Variants in NPAS2 observed in about 807,000 individuals in gnomAD.
The protein encoded by NPAS2 is neuronal PAS domain-containing protein 2.
In NPAS2, 23 loss-of-function variants were observed where a neutral mutation model predicts 107.5. The ratio of observed to expected loss-of-function variants is 0.21; its 90% CI spans 0.15 to 0.30. The LOEUF (loss-of-function observed/expected upper bound fraction) is 0.30, where lower values mean the gene tolerates loss of function less well. NPAS2 is among the 10% of genes least tolerant of loss of function. The pLI is 1.00. For missense variants in NPAS2, 756 were observed against 1,043.3 expected (o/e 0.72, Z 3.79); for synonymous variants, 403 against 417.5 (o/e 0.97, Z 0.42).
intron 2 of NPAS2, among the ~76,000 whole-genome samples, chr2:100,921,732 C>A (rs356641): frequency 6.6e-6 from 1 of 152,014 alleles, no homozygotes; most frequent in Non-Finnish European, 1.5e-5. Flanking sequence ...AACATTTCAA[C>A]GGCTAAACAT....
chr2:100,840,603 AT>A (rs36087386), intron 1 of NPAS2, among the ~76,000 whole-genome samples: 23,780 of 145,394 alleles, frequency 0.16, 2,024 homozygotes, highest in Middle Eastern at 0.33. Context: ...CACAGCCCCC[AT>A]TTTTTTTTTT....
At chr2:100,859,455 G>A (rs1264753755) in intron 1 of NPAS2, among the ~76,000 whole-genome samples, 1 of 152,188 alleles carries the variant, frequency 6.6e-6, no homozygotes, top group Non-Finnish European at 1.5e-5. Flanking sequence ...GGCATTAAAT[G>A]GATAATCACC....
chr2:100,955,560 T>C (rs1007996607), intron 7 of NPAS2, among the ~76,000 whole-genome samples: 1 of 152,166 alleles, frequency 6.6e-6, no homozygotes, highest in African/African-American at 2.4e-5. Context: ...AGTGCACTTA[T>C]ATGCAGAAGA....
intron 1 of NPAS2, among the ~76,000 whole-genome samples, chr2:100,851,611 A>G (rs1234414440): frequency 2.0e-5 from 3 of 152,238 alleles, no homozygotes; most frequent in South Asian, 2.1e-4. Context: ...CCAGAAACAC[A>G]TGCAGCTATG....
rs1031929294 is a variant in NPAS2 at position 100,821,249 on chromosome 2, T to G, written c.-23+835T>G. ...TGATTCATAAATAATTAGTAACTAG[T>G]TTTGTTGATTAAGCAAGATGGAAAC... On this transcript the variant is annotated intron_variant, in intron 1 of 20. Coordinates refer to ENST00000335681, the MANE Select transcript of NPAS2 (RefSeq NM_002518.4). The G allele has an allele frequency of 8.6e-6, 11 of 1,280,300 alleles. No homozygotes were observed. In the African/African-American group the frequency reaches 1.7e-4, roughly 20 times the overall value. 79.3% of individuals were successfully genotyped at this position (1,280,300 alleles called of 1,614,324 possible).
chr2:100,948,308 C>T lies in NPAS2; in HGVS notation c.437C>T (p.Ser146Phe), dbSNP rs1675025132. The T allele has an allele frequency of 6.2e-7, 1 of 1,613,010 alleles. No individual in the cohort carries two copies. Among genetic ancestry groups the T allele is most frequent in the Admixed American group, 1.7e-5 (1 of 59,894 alleles). Residue 146 changes from serine (S) to phenylalanine (F), a missense_variant, in exon 6 of 21, where the codon TCT becomes TTT. Physicochemically the swap from Ser to Phe is radical, Grantham distance 155. Transcript: ENST00000335681. ...CATTCAGAAGTTTATAAAATCCTTT[C>T]TTCCCATATGCTTGTGACGGATTCC... ...QEHSEVYKIL[S>F]SHMLVTDSPS...
At position 100,922,540 on chromosome 2, in the gene NPAS2, G is replaced by A. The variant is rs139369695; in HGVS notation, c.33-2606G>A. On this transcript the variant is annotated intron_variant, in intron 2 of 20. Transcript: ENST00000335681. ...GGAGGTTGTAGTGAGCTGAGATCGC[G>A]TCACTGCACTCCAGCCTGGGCAACA... is the stretch of plus-strand genomic sequence containing the variant. Among the ~76,000 whole-genome samples, 186 of 152,190 alleles carry A rather than the reference G, an allele frequency of 1.2e-3. 1 individual carries two copies. The highest frequency in any genetic ancestry group is 4.3e-3 in the African/African-American group (178 of 41,502).
intron 7 of NPAS2, among the ~76,000 whole-genome samples, chr2:100,956,349 C>T (rs1483695609): frequency 6.6e-6 from 1 of 152,100 alleles, no homozygotes. Context: ...TCAGCCTTCA[C>T]CCCCTCCTTC....
intron 1 of NPAS2, among the ~76,000 whole-genome samples, chr2:100,844,262 G>A (rs1677633572): frequency 1.3e-5 from 2 of 152,196 alleles, no homozygotes; most frequent in Non-Finnish European, 2.9e-5. Context: ...GGGTCAAGGG[G>A]AGGCTCGGGG....
intron 17 of NPAS2, chr2:100,989,453 GAA>G (rs1193296146): frequency 1.3e-5 from 2 of 152,212 alleles, no homozygotes; most frequent in Non-Finnish European, 2.9e-5. Context: ...AAATAGGTGA[GAA>G]GAGCTAAGAA....
chr2:100,929,981 C>A (rs1683834051), intron 3 of NPAS2, among the ~76,000 whole-genome samples: 1 of 152,236 alleles, frequency 6.6e-6, no homozygotes, highest in Admixed American at 6.5e-5. Flanking sequence ...CACTTATTCT[C>A]TCTGAAGTAA....
At chr2:100,855,606 A>C (rs555316627) in intron 1 of NPAS2, among the ~76,000 whole-genome samples, 4 of 152,240 alleles carry the variant, frequency 2.6e-5, no homozygotes, top group African/African-American at 9.6e-5. Context: ...AGCCTAATCA[A>C]AATGGCAGCT....
At chr2:100,934,624 A>G (rs1430921435) in intron 4 of NPAS2, among the ~76,000 whole-genome samples, 1 of 152,222 alleles carries the variant, frequency 6.6e-6, no homozygotes, top group Non-Finnish European at 1.5e-5. Context: ...AAAGTCCACC[A>G]ACTAGTACTG....
chr2:100,831,181 A>G (rs1676711623), intron 1 of NPAS2, among the ~76,000 whole-genome samples: 1 of 152,148 alleles, frequency 6.6e-6, no homozygotes, highest in South Asian at 2.1e-4. Context: ...CTGTAATCCC[A>G]GCTACTCGGA....
chr2:100,855,330 C>T (rs531244882), intron 1 of NPAS2, among the ~76,000 whole-genome samples: 14 of 152,276 alleles, frequency 9.2e-5, no homozygotes, highest in South Asian at 6.2e-4. Context: ...CTAGACAATT[C>T]TCCTAACTTG....
At chr2:100,979,738 C>T (rs753101655) in intron 15 of NPAS2, among the ~76,000 whole-genome samples, 2 of 152,138 alleles carry the variant, frequency 1.3e-5, no homozygotes, top group Non-Finnish European at 2.9e-5. Flanking sequence ...CTGTGTTGGC[C>T]AGGCTGGTCT....
intron 1 of NPAS2, among the ~76,000 whole-genome samples, chr2:100,826,343 G>A (rs1676378476): frequency 6.6e-6 from 1 of 152,196 alleles, no homozygotes; most frequent in Non-Finnish European, 1.5e-5. Flanking sequence ...TCAGGAGGCT[G>A]AGGCAGGAGA....
intron 16 of NPAS2, 145 bp downstream of exon 16, chr2:100,982,522 T>A: frequency 3.3e-6 from 3 of 919,220 alleles, no homozygotes; most frequent in Non-Finnish European, 4.8e-6. Flanking sequence ...TATTGCAGTC[T>A]CTGCAAAGGA....
chr2:100,904,850 A>C, intron 2 of NPAS2, 64 bp downstream of exon 2: 1 of 1,228,784 alleles, frequency 8.1e-7, no homozygotes, highest in Non-Finnish European at 1.2e-6. Flanking sequence ...GCCTGGCAGA[A>C]TCTCGCTGGC....
Sources: gnomAD v4.1 joint callset for allele counts (sites outside exome capture counted in the v4.1 genomes callset) on GRCh38, gnomAD v4.1.1 for gene constraint, MANE v1.5 for transcripts, NCBI Gene and HGNC (gene_info 2026-07-23, HGNC 2026-07-21) for gene names.